CNTN4: variants seen among roughly 807,000 people sequenced by gnomAD.
CNTN4 encodes contactin-4.
In CNTN4, 77 loss-of-function variants were observed where a neutral mutation model predicts 122.5. That is an observed-to-expected ratio of 0.63 (90% CI 0.52 to 0.76). The LOEUF is 0.76. CNTN4 is among the 30% of genes least tolerant of loss of function. The pLI is 0.00. For missense variants in CNTN4, 1,256 were observed against 1,259.1 expected, an observed-to-expected ratio of 1.00 and a Z score of 0.04; for synonymous variants, 512 against 447.0, an observed-to-expected ratio of 1.15 and a Z score of -1.83.
chr3:2,733,654 C>T (rs765265342), intron 4 of CNTN4, among the ~76,000 whole-genome samples: 160 of 151,616 alleles, frequency 1.1e-3, no homozygotes, highest in Non-Finnish European at 1.9e-4. Context: ...CTGCTTCAGC[C>T]TCCCGAGTGG....
Position 2,925,697 on chromosome 3 carries a change from G to C in CNTN4, c.1276G>C (p.Val426Leu), listed in dbSNP as rs749094357. The change falls in exon 13 of 25, where the codon GTC becomes CTC. Residue 426 changes from valine to leucine, a missense_variant. Physicochemically the swap from Val to Leu is conservative, Grantham distance 32. Coordinates refer to ENST00000418658, the MANE Select transcript of CNTN4 (RefSeq NM_175607.3). The part of the protein sequence containing the change: ...VTLVKVGGEV[V>L]IECKPKASPK... ...TCTTGTCAAAGTGGGAGGTGAAGTT[G>C]TCATTGAGTGTAAGCCAAAAGCGTC... 1 of 1,613,974 alleles carries C rather than the reference G, an allele frequency of 6.2e-7. No homozygotes were observed. The highest frequency in any genetic ancestry group is 1.7e-5 in the Admixed American group (1 of 60,030).
intron 2 of CNTN4, among the ~76,000 whole-genome samples, chr3:2,102,073 G>C (rs1014314064): frequency 6.6e-6 from 1 of 152,310 alleles, no homozygotes; most frequent in East Asian, 1.9e-4. Flanking sequence ...ATGTGTTTTG[G>C]AGATGTCATC....
intron 15 of CNTN4, among the ~76,000 whole-genome samples, chr3:3,030,559 G>A (rs917760718): frequency 1.3e-5 from 2 of 152,196 alleles, no homozygotes; most frequent in Non-Finnish European, 2.9e-5. Context: ...GAGAGCCACC[G>A]TAGTACGTAG....
At chr3:2,655,092 A>G (rs1443145596) in intron 4 of CNTN4, among the ~76,000 whole-genome samples, 3 of 152,158 alleles carry the variant, frequency 2.0e-5, no homozygotes, top group Admixed American at 6.5e-5. Flanking sequence ...TTATTCTCTG[A>G]AGGGTCCCAC....
At chr3:2,309,097 C>T (rs2042822319) in intron 2 of CNTN4, among the ~76,000 whole-genome samples, 1 of 151,978 alleles carries the variant, frequency 6.6e-6, no homozygotes, top group Non-Finnish European at 1.5e-5. Flanking sequence ...TCTATTTCTT[C>T]TTTCATTTCT....
intron 4 of CNTN4, among the ~76,000 whole-genome samples, chr3:2,729,710 C>A (rs148514438): frequency 6.6e-6 from 1 of 151,860 alleles, no homozygotes; most frequent in Non-Finnish European, 1.5e-5. Flanking sequence ...GTCAGGAGTT[C>A]GAGACCGGCC....
At position 2,969,094 on chromosome 3, in the gene CNTN4, T is replaced by G. The variant is rs116548916; in HGVS notation, c.1359-19251T>G. 7.2e-3 allele frequency among the ~76,000 whole-genome samples: 1,094 copies of G among 152,354 alleles called. 14 individuals are homozygous for G. The highest frequency in any genetic ancestry group is 0.025 in the African/African-American group (1,036 of 41,580). Reference sequence around the variant, plus strand: ...ATCTCATTCTACATTATTTTCATAATATTTCAAAGGGAATCTGCTGACTCA... The same window carrying G: ...ATCTCATTCTACATTATTTTCATAAGATTTCAAAGGGAATCTGCTGACTCA... On this transcript the variant is annotated intron_variant, in intron 13 of 24. Coordinates refer to ENST00000418658, the MANE Select transcript of CNTN4 (RefSeq NM_175607.3).
chr3:2,882,760 G>C (rs543867910), intron 8 of CNTN4: 1 of 212,264 alleles, frequency 4.7e-6, no homozygotes, highest in Admixed American at 5.3e-5. Flanking sequence ...GTATTTTTGA[G>C]TACTTTTATT....
intron 13 of CNTN4, among the ~76,000 whole-genome samples, chr3:2,950,589 G>GA (rs144777009): frequency 0.015 from 2,213 of 152,286 alleles, 37 homozygotes; most frequent in African/African-American, 0.041. Flanking sequence ...CCAGCAAAAT[G>GA]GTGCGCATTG....
chr3:2,259,027 A>G (rs1417672664), intron 2 of CNTN4, among the ~76,000 whole-genome samples: 1 of 152,110 alleles, frequency 6.6e-6, no homozygotes, highest in Admixed American at 6.6e-5. Context: ...AGACGAAGAC[A>G]TACAGAGGTT....
At chr3:2,945,045 C>T (rs898670701) in intron 13 of CNTN4, among the ~76,000 whole-genome samples, 1 of 152,120 alleles carries the variant, frequency 6.6e-6, no homozygotes, top group African/African-American at 2.4e-5. Context: ...TTAGTGGAGG[C>T]AGTTCCCCGT....
At chr3:2,192,397 T>G (rs1347602773) in intron 2 of CNTN4, among the ~76,000 whole-genome samples, 2 of 152,152 alleles carry the variant, frequency 1.3e-5, no homozygotes, top group East Asian at 1.9e-4. Context: ...ACCTGTTGTT[T>G]CCTGACTTTT....
intron 13 of CNTN4, among the ~76,000 whole-genome samples, chr3:2,934,561 C>G (rs977563932): frequency 1.3e-5 from 2 of 152,332 alleles, no homozygotes; most frequent in Non-Finnish European, 2.9e-5. Flanking sequence ...CCCAGAAGGC[C>G]GATGGAATCC....
intron 10 of CNTN4, among the ~76,000 whole-genome samples, chr3:2,899,091 T>C (rs1042699024): frequency 1.3e-5 from 2 of 152,248 alleles, no homozygotes; most frequent in Admixed American, 1.3e-4. Context: ...AGAGGATTTG[T>C]AAAACTGTGT....
At chr3:2,854,757 CTCAG>C (rs2093600293) in intron 7 of CNTN4, among the ~76,000 whole-genome samples, 1 of 152,112 alleles carries the variant, frequency 6.6e-6, no homozygotes, top group Non-Finnish European at 1.5e-5. Context: ...TGAAAGCTTG[CTCAG>C]TCAGTCATAT....
chr3:2,697,056 G>T (rs2086077468), intron 4 of CNTN4, among the ~76,000 whole-genome samples: 1 of 152,172 alleles, frequency 6.6e-6, no homozygotes, highest in Non-Finnish European at 1.5e-5. Flanking sequence ...CTATTCTATG[G>T]TGTTTGAGTT....
chr3:2,343,915 C>A (rs948062128), intron 3 of CNTN4, among the ~76,000 whole-genome samples: 4 of 152,076 alleles, frequency 2.6e-5, no homozygotes, highest in East Asian at 1.9e-4. Flanking sequence ...AGGAAACTTA[C>A]AATTATGACA....
At position 2,554,786 on chromosome 3, in the gene CNTN4, A is replaced by G. The variant is rs181791932; in HGVS notation, c.-88-16630A>G. 6.5e-3 allele frequency among the ~76,000 whole-genome samples: 983 copies of G among 152,242 alleles called. 7 individuals are homozygous for G. The highest frequency in any genetic ancestry group is 0.017 in the Middle Eastern group (5 of 294). The stretch of plus-strand genomic sequence containing the variant: ...GTCTGGGATTTGGCATTTAGGCCAT[A>G]ATTTGTAAGGAATTTGGCCAAAGCT... On this transcript the variant is annotated intron_variant, in intron 3 of 24. Transcript: ENST00000418658.
intron 2 of CNTN4, among the ~76,000 whole-genome samples, chr3:2,105,042 A>G (rs2032318251): frequency 6.6e-6 from 1 of 152,168 alleles, no homozygotes; most frequent in African/African-American, 2.4e-5. Flanking sequence ...AATTGCTTCT[A>G]GAACAGAACA....
Sources: allele counts gnomAD v4.1 joint callset (sites outside exome capture counted in the v4.1 genomes callset), GRCh38; gene constraint gnomAD v4.1.1; transcripts MANE v1.5; gene names NCBI Gene and HGNC (gene_info 2026-07-23, HGNC 2026-07-21).